The following EDA variants were observed in gnomAD, a reference collection of about 807,000 sequenced individuals.
EDA encodes the protein ectodysplasin A.
Under a neutral mutation model 23.6 loss-of-function variants are expected in EDA, and 2 were observed. The ratio of observed to expected loss-of-function variants is 0.08; its 90% CI spans 0.03 to 0.27. The LOEUF is 0.27. EDA is among the 10% of genes least tolerant of loss of function. The pLI, the probability that EDA is intolerant of heterozygous loss-of-function variation, is 1.00. For synonymous variants in EDA, 131 were observed against 132.0 expected, an observed-to-expected ratio of 0.99 and a Z score of 0.05; for missense variants, 229 against 324.2, an observed-to-expected ratio of 0.71 and a Z score of 2.26.
intron 1 of EDA, among the ~76,000 whole-genome samples, chrX:69,835,846 G>T (rs745437812): frequency 8.9e-6 from 1 of 111,786 alleles, no homozygotes; most frequent in South Asian, 3.8e-4. Context: ...CCATCTTTTT[G>T]GTTTTATCTA....
intron 1 of EDA, among the ~76,000 whole-genome samples, chrX:69,812,771 G>A (rs1315086746): frequency 9.0e-6 from 1 of 111,624 alleles, no homozygotes; most frequent in Non-Finnish European, 1.9e-5. Flanking sequence ...GATGTATAAT[G>A]TGAAACAAAA....
intron 1 of EDA, among the ~76,000 whole-genome samples, chrX:69,707,562 G>C (rs2147321846): frequency 8.9e-6 from 1 of 111,845 alleles, no homozygotes; most frequent in African/African-American, 3.2e-5. Flanking sequence ...AGGTCCTCTT[G>C]GTCCTCGTAG....
intron 1 of EDA, among the ~76,000 whole-genome samples, chrX:69,829,569 G>GT (rs2016555344): frequency 8.9e-6 from 1 of 112,261 alleles, no homozygotes. Flanking sequence ...TTGCAAAGAT[G>GT]TATGTGAGTG....
intron 1 of EDA, among the ~76,000 whole-genome samples, chrX:69,724,359 CTCTT>C (rs1381009089): frequency 9.0e-6 from 1 of 111,641 alleles, no homozygotes; most frequent in African/African-American, 3.3e-5. Context: ...ATTTCCAAGT[CTCTT>C]TCTTTAGGCC....
chrX:69,678,241 G>A (rs1364026365), intron 1 of EDA, among the ~76,000 whole-genome samples: 2 of 109,614 alleles, frequency 1.8e-5, no homozygotes, highest in Admixed American at 1.9e-4. Context: ...AGTATAGTTT[G>A]AAGTCAGGTA....
chrX:69,783,896 A>G (rs1322668333), intron 1 of EDA, among the ~76,000 whole-genome samples: 2 of 103,226 alleles, frequency 1.9e-5, no homozygotes, highest in East Asian at 2.9e-4. Context: ...GAACTAGTTT[A>G]CAGTCCCACC....
intron 1 of EDA, among the ~76,000 whole-genome samples, chrX:69,769,437 T>C (rs1049264027): frequency 3.6e-5 from 4 of 111,628 alleles, no homozygotes; most frequent in African/African-American, 1.3e-4. Context: ...AAGCAGTATG[T>C]TGTTGGATCT....
intron 2 of EDA, among the ~76,000 whole-genome samples, chrX:69,978,011 CAAG>C (rs915688596): frequency 1.8e-5 from 2 of 110,560 alleles, no homozygotes; most frequent in South Asian, 7.7e-4. Flanking sequence ...TTTCAACATT[CAAG>C]AAGACCATTC....
rs2018034520 is a variant in EDA at position 69,897,464 on chromosome X, A to T, written c.397-59563A>T. ...AAAGTGAGTGATATGAATGTTTAAGACATTTATTAAAATTAGGTGTACTCT... is the reference window on the plus strand; with the variant it reads ...AAAGTGAGTGATATGAATGTTTAAGTCATTTATTAAAATTAGGTGTACTCT... On this transcript the variant is annotated intron_variant, in intron 1 of 7. Transcript: ENST00000374552. 3.6e-5 allele frequency among the ~76,000 whole-genome samples: 4 copies of T among 112,200 alleles called. No individual in the cohort carries two copies. In the Admixed American group the frequency reaches 3.8e-4, roughly 11 times the overall value.
chrX:70,026,605 A>T (rs1477122717), intron 3 of EDA, among the ~76,000 whole-genome samples: 4 of 111,993 alleles, frequency 3.6e-5, no homozygotes, highest in African/African-American at 1.3e-4. Flanking sequence ...CAAATAGAAT[A>T]AGAGCTTAAA....
chrX:69,662,201 G>T (rs1252697172), intron 1 of EDA, among the ~76,000 whole-genome samples: 1 of 111,616 alleles, frequency 9.0e-6, no homozygotes, highest in African/African-American at 3.3e-5. Context: ...TTAAGATTCT[G>T]CATATAAGTG....
At chrX:69,791,991 T>C (rs1432676707) in intron 1 of EDA, among the ~76,000 whole-genome samples, 1 of 111,544 alleles carries the variant, frequency 9.0e-6, no homozygotes, top group Non-Finnish European at 1.9e-5. Flanking sequence ...TTTTGGGGGG[T>C]ACAGCTGCGT....
At chrX:69,780,973 T>C (rs1395493308) in intron 1 of EDA, among the ~76,000 whole-genome samples, 1 of 112,087 alleles carries the variant, frequency 8.9e-6, no homozygotes, top group Non-Finnish European at 1.9e-5. Context: ...ATGATGTACA[T>C]TTTATATAAA....
intron 1 of EDA, among the ~76,000 whole-genome samples, chrX:69,831,912 A>T (rs1220818091): frequency 9.1e-6 from 1 of 109,967 alleles, no homozygotes; most frequent in African/African-American, 3.3e-5. Flanking sequence ...AATTTGTTTG[A>T]GTTCTTTGTA....
chrX:69,695,298 GAAAA>G (rs1382321270), intron 1 of EDA, among the ~76,000 whole-genome samples: 1 of 108,037 alleles, frequency 9.3e-6, no homozygotes, highest in Non-Finnish European at 1.9e-5. Context: ...GAAAGAAAAA[GAAAA>G]AGGAAAGGAA....
rs747461230 is a variant in EDA, at chrX:69,894,266, A to AT, written c.397-62754dup. Among the ~76,000 whole-genome samples the AT allele has an allele frequency of 2.9e-3, 326 of 110,665 alleles. 2 individuals are homozygous for AT. The highest frequency in any genetic ancestry group is 3.3e-3 in the Non-Finnish European group (175 of 52,827). On this transcript the variant is annotated intron_variant, in intron 1 of 7. Transcript: ENST00000374552. ...TTCTGTTCCGTTGGACTGTGCATCT[A>AT]TTTTTTTACCAGTACCAGTACCAAT... is the stretch of plus-strand genomic sequence containing the variant.
At chrX:70,024,892 G>T (rs2020087060) in intron 3 of EDA, among the ~76,000 whole-genome samples, 1 of 112,117 alleles carries the variant, frequency 8.9e-6, no homozygotes, top group African/African-American at 3.2e-5. Flanking sequence ...ACTACATAGG[G>T]TATGTTTCTA....
chrX:69,866,917 C>T (rs775326731), intron 1 of EDA, among the ~76,000 whole-genome samples: 3 of 112,226 alleles, frequency 2.7e-5, no homozygotes, highest in South Asian at 3.8e-4. Flanking sequence ...CGTTAGTCCA[C>T]GGTTGGTAGT....
At chrX:69,754,254 A>G (rs1448335279) in intron 1 of EDA, among the ~76,000 whole-genome samples, 1 of 111,492 alleles carries the variant, frequency 9.0e-6, no homozygotes, top group Non-Finnish European at 1.9e-5. Context: ...AGCTCTTGTA[A>G]GGCAGGCCTG....
Sources: gnomAD v4.1 joint callset for allele counts (sites outside exome capture counted in the v4.1 genomes callset) on GRCh38, gnomAD v4.1.1 for gene constraint, MANE v1.5 for transcripts, NCBI Gene and HGNC (gene_info 2026-07-23, HGNC 2026-07-21) for gene names.